DNAH14: variants seen among roughly 807,000 people sequenced by gnomAD.
DNAH14 encodes dynein axonemal heavy chain 14.
A neutral mutation model predicts 520.9 loss-of-function variants in DNAH14; 478 were observed. The observed-to-expected ratio is 0.92, with a 90% CI of 0.85 to 0.99. The LOEUF is 0.99. Ranked by LOEUF, DNAH14 falls within the 50% of genes least tolerant of loss-of-function variation. The pLI, the probability that DNAH14 is intolerant of heterozygous loss-of-function variation, is 0.00. For missense variants in DNAH14, 4,831 were observed against 5,234.5 expected (o/e 0.92, Z 2.38); for synonymous variants, 1,581 against 1,757.2 (o/e 0.90, Z 2.51).
At chr1:225,173,871 C>A (rs1459600869) in intron 36 of DNAH14, among the ~76,000 whole-genome samples, 1 of 152,144 alleles carries the variant, frequency 6.6e-6, no homozygotes, top group Non-Finnish European at 1.5e-5. Flanking sequence ...AAATGTCCAA[C>A]AATGATAGAC....
At chr1:224,983,484 G>C (rs1165437857) in intron 8 of DNAH14, among the ~76,000 whole-genome samples, 2 of 152,092 alleles carry the variant, frequency 1.3e-5, no homozygotes, top group African/African-American at 2.4e-5. Flanking sequence ...CTGAGAACGG[G>C]AACAAGACAA....
At chr1:225,045,429 AT>A (rs986711054) in intron 15 of DNAH14, among the ~76,000 whole-genome samples, 12 of 151,784 alleles carry the variant, frequency 7.9e-5, no homozygotes, top group African/African-American at 2.9e-4. Context: ...TTTTATTTGG[AT>A]TTTCCCAGTT....
Position 225,351,168 on chromosome 1 carries a change from TC to T in DNAH14, c.11297-478del, listed in dbSNP as rs377717842. ...CCTGTAATCCCAACACTTTGGGAGG[TC>T]AAGATTGGGGGCAGATCACTTTAGG... On this transcript the variant is annotated intron_variant, in intron 71 of 85. Coordinates refer to ENST00000682510, the MANE Select transcript of DNAH14 (RefSeq NM_001367479.1). Among the ~76,000 whole-genome samples the T allele has an allele frequency of 1.2e-3, 178 of 152,002 alleles. 1 individual carries two copies. Among genetic ancestry groups the T allele is most frequent in the African/African-American group, 4.2e-3 (176 of 41,452 alleles).
intron 69 of DNAH14, among the ~76,000 whole-genome samples, chr1:225,345,008 T>G (rs1423117803): frequency 6.6e-6 from 1 of 152,106 alleles, no homozygotes; most frequent in Non-Finnish European, 1.5e-5. Flanking sequence ...CCACCACACC[T>G]GGCCAGAAAC....
intron 23 of DNAH14, among the ~76,000 whole-genome samples, chr1:225,106,980 A>G (rs1430184955): frequency 2.0e-5 from 3 of 149,800 alleles, no homozygotes; most frequent in South Asian, 2.1e-4. Flanking sequence ...CATTTTTTCT[A>G]CTCTGTTTTT....
chr1:225,367,787 C>A lies in DNAH14; in HGVS notation c.12091-18C>A. On this transcript the variant is annotated intron_variant, in intron 76 of 85. Transcript: ENST00000682510. Reference sequence around the variant, plus strand: ...GCATCTGTCCTCACATGCCATTTTACTCACATCTGTTTTCAAGATTGCCGT... The same window carrying A: ...GCATCTGTCCTCACATGCCATTTTAATCACATCTGTTTTCAAGATTGCCGT... 1.3e-6 allele frequency: 2 copies of A among 1,535,940 alleles called. No homozygotes were observed. Among genetic ancestry groups the A allele is most frequent in the Non-Finnish European group, 1.8e-6 (2 of 1,133,358 alleles).
intron 42 of DNAH14, among the ~76,000 whole-genome samples, chr1:225,236,133 G>A (rs2091562082): frequency 6.6e-6 from 1 of 151,822 alleles, no homozygotes; most frequent in Admixed American, 6.6e-5. Context: ...AGTGTGTTGA[G>A]ATCTTTCTAG....
chr1:225,379,414 T>C (rs1003372848), intron 79 of DNAH14, among the ~76,000 whole-genome samples: 1 of 152,244 alleles, frequency 6.6e-6, no homozygotes, highest in African/African-American at 2.4e-5. Flanking sequence ...TGTGGTTCTG[T>C]GAAGATACAT....
At chr1:225,215,143 T>C (rs2089108653) in intron 41 of DNAH14, among the ~76,000 whole-genome samples, 1 of 151,442 alleles carries the variant, frequency 6.6e-6, no homozygotes, top group African/African-American at 2.4e-5. Context: ...ACATCTTTAT[T>C]TCTGCCTTCA....
intron 77 of DNAH14, among the ~76,000 whole-genome samples, chr1:225,368,664 C>T (rs1379910569): frequency 6.6e-6 from 1 of 152,004 alleles, no homozygotes; most frequent in Non-Finnish European, 1.5e-5. Context: ...AACATTACAC[C>T]CTTGATTACC....
chr1:225,290,097 T>C lies in DNAH14; in HGVS notation c.8469+15T>C, dbSNP rs1350065895. The C allele has an allele frequency of 7.3e-7, 1 of 1,370,948 alleles. No individual in the cohort carries two copies. The highest frequency in any genetic ancestry group is 3.1e-5 in the Admixed American group (1 of 31,772). The allele number at this position is 1,370,948 out of a possible 1,614,324, so 84.9% of individuals were successfully genotyped here. On this transcript the variant is annotated intron_variant, in intron 55 of 85. Transcript: ENST00000682510. ...ACATAGAACAAGTAAGTACTTTTTG[T>C]CTTTGCTATTTGCTGAAGTTTGATA...
At chr1:225,303,107 C>A in intron 56 of DNAH14, 49 bp from the exon 57 acceptor site, 1 of 1,268,256 alleles carries the variant, frequency 7.9e-7, no homozygotes, top group South Asian at 1.8e-5. Flanking sequence ...AATATTTTTT[C>A]AAAACAGTGG....
chr1:225,364,157 C>T lies in DNAH14; in HGVS notation c.11988-635C>T, dbSNP rs78499097. On this transcript the variant is annotated intron_variant, in intron 75 of 85. Coordinates refer to ENST00000682510, the MANE Select transcript of DNAH14 (RefSeq NM_001367479.1). ...AGAGGCCTGTGATATCAATCTGTCTCATTACTGGTGATATTAACTTTGGTC... is the reference window on the plus strand; with the variant it reads ...AGAGGCCTGTGATATCAATCTGTCTTATTACTGGTGATATTAACTTTGGTC... Among the ~76,000 whole-genome samples, 590 of 152,290 alleles carry T rather than the reference C, an allele frequency of 3.9e-3. 4 individuals are homozygous for T. The highest frequency in any genetic ancestry group is 0.02 in the Middle Eastern group (6 of 294).
In DNAH14 at chr1:225,266,648, T is replaced by C; in HGVS notation, c.7418T>C (p.Ile2473Thr). Reference sequence around the variant, plus strand: ...CCTTTTGTCTTTCTTAAGATTCTAATATTTATTGATGATATGAATATGCCA... The same window carrying C: ...CCTTTTGTCTTTCTTAAGATTCTAACATTTATTGATGATATGAATATGCCA... ...LGAPKNNRIL[I>T]FIDDMNMPVS... Residue 2473 changes from isoleucine to threonine, a missense_variant, in exon 49 of 86, where the codon ATA becomes ACA. By Grantham distance (89) the Ile-to-Thr change is moderately conservative. Transcript: ENST00000682510. The C allele has an allele frequency of 6.7e-7, 1 of 1,490,674 alleles. No homozygotes were observed. Among genetic ancestry groups the C allele is most frequent in the Middle Eastern group, 1.7e-4 (1 of 5,768 alleles). The allele number at this position is 1,490,674 out of a possible 1,614,324, so 92.3% of individuals were successfully genotyped here.
At chr1:224,929,928 G>A (rs2125310138) in intron 1 of DNAH14, 93 bp downstream of exon 1, 1 of 562,860 alleles carries the variant, frequency 1.8e-6, no homozygotes, top group East Asian at 3.2e-5. Context: ...GGAGGGCTGC[G>A]TGGGCGCGGA....
intron 36 of DNAH14, among the ~76,000 whole-genome samples, chr1:225,180,156 C>T (rs945404768): frequency 6.6e-6 from 1 of 152,140 alleles, no homozygotes; most frequent in African/African-American, 2.4e-5. Flanking sequence ...TCATTCTCTA[C>T]ATTTGTAAAG....
In DNAH14 at chr1:225,265,384, A is replaced by T. The variant is rs1273713272; in HGVS notation, c.7410+15A>T. ...AAAACAACCGGGTAAAACACCTCTC[A>T]TACCTGTTCAATAATCTGCTTAGGC... On this transcript the variant is annotated intron_variant, in intron 48 of 85. Transcript: ENST00000682510. 3 of 1,513,448 alleles carry T rather than the reference A, an allele frequency of 2.0e-6. No homozygotes were observed. The highest frequency in any genetic ancestry group is 1.8e-6 in the Non-Finnish European group (2 of 1,134,624). 93.8% of individuals were successfully genotyped at this position (1,513,448 alleles called of 1,614,324 possible).
At chr1:225,334,502 GA>G (rs543816728) in intron 66 of DNAH14, among the ~76,000 whole-genome samples, 6,511 of 147,888 alleles carry the variant, frequency 0.044, 215 homozygotes, top group Non-Finnish European at 0.066. Context: ...GTCTCTAAAA[GA>G]AAAAAAAAAT....
At chr1:225,390,109 C>A in intron 83 of DNAH14, among the ~76,000 whole-genome samples, 1 of 152,178 alleles carries the variant, frequency 6.6e-6, no homozygotes, top group East Asian at 1.9e-4. Context: ...TTCACCTGCG[C>A]CTTGGCAGGT....
Sources: allele counts gnomAD v4.1 joint callset (sites outside exome capture counted in the v4.1 genomes callset), GRCh38; gene constraint gnomAD v4.1.1; transcripts MANE v1.5; gene names NCBI Gene and HGNC (gene_info 2026-07-23, HGNC 2026-07-21).